Variants in NLRP1 observed in about 807,000 individuals in gnomAD.
The protein encoded by NLRP1 is NLR family pyrin domain containing 1.
Under a neutral mutation model 136.7 loss-of-function variants are expected in NLRP1, and 94 were observed. The ratio of observed to expected loss-of-function variants is 0.69; its 90% confidence interval spans 0.58 to 0.82. The LOEUF is 0.82. Among genes scored for constraint, NLRP1 ranks in the 40% least tolerant of loss-of-function variants. The pLI is 0.00. For missense variants in NLRP1, 1,575 were observed against 1,802.7 expected (o/e 0.87, Z 2.29); for synonymous variants, 690 against 725.1 (o/e 0.95, Z 0.78).
In NLRP1 at chr17:5,537,705, G is replaced by A. The variant is rs1911270912; in HGVS notation, c.2871-765C>T. On this transcript the variant is annotated intron_variant, in intron 7 of 16. Coordinates refer to ENST00000572272, the MANE Select transcript of NLRP1 (RefSeq NM_033004.4). The surrounding 1 kb of genome is among the most constrained non-coding windows in gnomAD (Gnocchi z 4.5). ...GAGGAGCGCAGACCTTGAAGTAGAAGGTTATTCTTCTCAACTAAGTCCCGG... is the reference window on the plus strand; with the variant it reads ...GAGGAGCGCAGACCTTGAAGTAGAAAGTTATTCTTCTCAACTAAGTCCCGG... Among the ~76,000 whole-genome samples, 1 of 152,184 alleles carries A rather than the reference G, an allele frequency of 6.6e-6. No homozygotes were observed. The highest frequency in any genetic ancestry group is 2.1e-4 in the South Asian group (1 of 4,834).
At position 5,559,640 on chromosome 17, in the gene NLRP1, C is replaced by A; in HGVS notation, c.1056G>T (p.Gly352=). The stretch of plus-strand genomic sequence containing the variant: ...AGCGGTCCCCATACAGCTGGCCTCT[C>A]CCCCAGGCTTCCTTCACCTGCCTGG... ...TLARQVKEAW[G]RGQLYGDRFQ... is the part of the protein sequence containing the mutation. The change falls in exon 4 of 17, where the codon GGG becomes GGT. Residue 352 remains glycine (G), a synonymous_variant. Transcript: ENST00000572272. The A allele has an allele frequency of 6.2e-7, 1 of 1,614,228 alleles. No homozygotes were observed. The highest frequency in any genetic ancestry group is 2.2e-5 in the East Asian group (1 of 44,890).
intron 3 of NLRP1, among the ~76,000 whole-genome samples, chr17:5,561,157 AGCGATT>A (rs1425404665): frequency 2.6e-5 from 4 of 152,158 alleles, no homozygotes; most frequent in Non-Finnish European, 5.9e-5. Flanking sequence ...CCCAGGGTCA[AGCGATT>A]CTCCTGCCTC....
chr17:5,542,781 C>G (rs1429222035), intron 5 of NLRP1, among the ~76,000 whole-genome samples: 1 of 144,744 alleles, frequency 6.9e-6, no homozygotes, highest in Non-Finnish European at 1.5e-5. Flanking sequence ...CTTCCTCCCT[C>G]CCTCCCTCCT....
At chr17:5,556,187 CATCTGTG>C (rs962974432) in intron 4 of NLRP1, among the ~76,000 whole-genome samples, 25 of 147,526 alleles carry the variant, frequency 1.7e-4, no homozygotes, top group Admixed American at 1.5e-3. Flanking sequence ...TGGTGGCTCA[CATCTGTG>C]ATCCCAGCAC....
intron 12 of NLRP1, among the ~76,000 whole-genome samples, chr17:5,528,584 T>G (rs151103163): frequency 6.6e-6 from 1 of 152,248 alleles, no homozygotes. Flanking sequence ...AAGACTTTCC[T>G]GGTTCTGGGT....
At chr17:5,543,593 T>C (rs974024005) in intron 5 of NLRP1, among the ~76,000 whole-genome samples, 52 of 149,720 alleles carry the variant, frequency 3.5e-4, no homozygotes, top group African/African-American at 1.2e-3. Flanking sequence ...CTGAGGGAGG[T>C]TGTAGTGAGC....
chr17:5,541,973 C>A lies in NLRP1; in HGVS notation c.2583G>T (p.Leu861=), dbSNP rs1391731145. 6.2e-7 allele frequency: 1 copy of A among 1,613,990 alleles called. No homozygotes were observed. The highest frequency in any genetic ancestry group is 8.5e-7 in the Non-Finnish European group (1 of 1,179,996). The change falls in exon 6 of 17, where the codon CTG becomes CTT. Residue 861 remains leucine (L), a synonymous_variant. Transcript: ENST00000572272. The surrounding 1 kb of genome is among the most constrained non-coding windows in gnomAD (Gnocchi z 4.2). ...AEDCKDLAFG[L]RANQTLTELD... is the part of the protein sequence containing the mutation. ...GCTCGGTCAGGGTCTGGTTGGCTCT[C>A]AGCCCAAAGGCAAGGTCCTTGCAGT...
At chr17:5,555,230 C>T (rs151260523) in intron 4 of NLRP1, among the ~76,000 whole-genome samples, 2 of 152,326 alleles carry the variant, frequency 1.3e-5, no homozygotes, top group Non-Finnish European at 2.9e-5. Flanking sequence ...TGCTTAATCA[C>T]ATGCCAAACA....
In NLRP1 at chr17:5,504,911, G is replaced by A. The variant is rs1387263773; in HGVS notation, c.4070-3039C>T. The A allele has an allele frequency of 6.5e-6, 1 of 153,660 alleles. No individual in the cohort carries two copies. The highest frequency in any genetic ancestry group is 1.9e-4 in the East Asian group (1 of 5,198). The allele number at this position is 153,660 out of a possible 1,614,324, so 9.5% of individuals were successfully genotyped here. ...GCTCGAAGTGTTCATGCCCAGCTGA[G>A]GAAACAGGCTTTGGTGGTGGTGGTG... On this transcript the variant is annotated intron_variant, in intron 15 of 15. Transcript: ENST00000262467. This position sits in a 1 kb window ranked among gnomAD's most constrained non-coding sequence, Gnocchi z 4.4.
In NLRP1 at chr17:5,553,592, G is replaced by A. The variant is rs74359365; in HGVS notation, c.2358-36C>T. 2.0e-3 allele frequency: 3,112 copies of A among 1,590,860 alleles called. 55 individuals carry two copies. In the African/African-American group the frequency reaches 0.034, roughly 17 times the overall value. On this transcript the variant is annotated intron_variant, in intron 4 of 16. Coordinates refer to ENST00000572272, the MANE Select transcript of NLRP1 (RefSeq NM_033004.4). ...GAGAGAAGGACAGGAGAGATGTGAT[G>A]TGTCTGGCAGGGGTTTGAGGTGCCC... is the stretch of plus-strand genomic sequence containing the variant.
intron 12 of NLRP1, among the ~76,000 whole-genome samples, chr17:5,525,172 T>C (rs2151747423): frequency 1.3e-5 from 2 of 152,296 alleles, no homozygotes; most frequent in South Asian, 4.1e-4. Flanking sequence ...CATGTTTCTG[T>C]GGGTCTGGGG....
At chr17:5,551,019 A>G (rs902572957) in intron 5 of NLRP1, among the ~76,000 whole-genome samples, 7 of 152,058 alleles carry the variant, frequency 4.6e-5, no homozygotes, top group East Asian at 1.9e-4. Context: ...ATTTGTTACA[A>G]TTGATAAACT....
At chr17:5,533,071 A>C (rs1597414195) in intron 10 of NLRP1, 87 bp from the exon 11 acceptor site, 1 of 1,476,356 alleles carries the variant, frequency 6.8e-7, no homozygotes, top group East Asian at 2.3e-5. Context: ...GGCCCTTCCC[A>C]AGGCTGGCCT....
In NLRP1 at chr17:5,581,919, C is replaced by G; in HGVS notation, c.592G>C (p.Glu198Gln). ...SPPQPSLAPR[E>Q]QEAPGTQWPL... ...CATTGGGTCCCAGGAGCCTCCTGCT[C>G]TCTGGGTGCTAGGCTGGGCTGAGGT... The change falls in exon 3 of 17, where the codon GAG becomes CAG. Residue 198 changes from glutamate to glutamine, a missense_variant. Physicochemically the swap from Glu to Gln is conservative, Grantham distance 29. Transcript: ENST00000572272. 12 of 1,613,892 alleles carry G rather than the reference C, an allele frequency of 7.4e-6. No individual in the cohort carries two copies. Among genetic ancestry groups the G allele is most frequent in the Non-Finnish European group, 1.0e-5 (12 of 1,179,966 alleles).
In NLRP1 at chr17:5,584,089, T is replaced by A; in HGVS notation, c.-132A>T. The A allele has an allele frequency of 1.1e-6, 1 of 891,850 alleles. No individual in the cohort carries two copies. The highest frequency in any genetic ancestry group is 1.7e-6 in the Non-Finnish European group (1 of 600,530). The allele number at this position is 891,850 out of a possible 1,614,324, so 55.2% of individuals were successfully genotyped here. A position where few individuals can be genotyped will look rare whatever the true frequency, so the allele number is the denominator to read the frequency against. On this transcript the variant is annotated 5_prime_UTR_variant, in exon 1 of 17. Transcript: ENST00000572272. ...ATTCAGCATTCGGAACCCAGTTTTA[T>A]AAATCCCAGGGCACCTACAGATAGA...
At chr17:5,574,078 C>T (rs188560924) in intron 3 of NLRP1, among the ~76,000 whole-genome samples, 2 of 152,100 alleles carry the variant, frequency 1.3e-5, no homozygotes, top group African/African-American at 4.8e-5. Context: ...AGACAAATGG[C>T]TAACTAAAAT....
chr17:5,574,121 T>C (rs1384092264), intron 3 of NLRP1, among the ~76,000 whole-genome samples: 2 of 152,188 alleles, frequency 1.3e-5, no homozygotes, highest in Admixed American at 6.5e-5. Flanking sequence ...AATGACCTGA[T>C]GGAGCTGAAA....
chr17:5,559,442 G>C lies in NLRP1; in HGVS notation c.1254C>G (p.Val418=), dbSNP rs1260591492. ...AGAGCTCAGAACTCGGCTCCTGCAA[G>C]ACCCATCCTGGCTCATCTACACCAT... ...ILDGVDEPGW[V]LQEPSSELCL... The change falls in exon 4 of 17, where the codon GTC becomes GTG. Residue 418 remains valine, a synonymous_variant. Coordinates refer to ENST00000572272, the MANE Select transcript of NLRP1 (RefSeq NM_033004.4). 1 of 1,613,758 alleles carries C rather than the reference G, an allele frequency of 6.2e-7. No homozygotes were observed. The highest frequency in any genetic ancestry group is 8.5e-7 in the Non-Finnish European group (1 of 1,179,868).
chr17:5,550,126 T>C (rs1913150128), intron 5 of NLRP1, among the ~76,000 whole-genome samples: 1 of 128,134 alleles, frequency 7.8e-6, no homozygotes, highest in Admixed American at 8.5e-5. Flanking sequence ...TCATAAAGGA[T>C]GTTGGCCTGC....
Sources: gnomAD v4.1 joint callset for allele counts (sites outside exome capture counted in the v4.1 genomes callset) on GRCh38, gnomAD v4.1.1 for gene constraint, Gnocchi (gnomAD v3.1) non-coding constraint, MANE v1.5 for transcripts, NCBI Gene and HGNC (gene_info 2026-07-23, HGNC 2026-07-21) for gene names.